The following IL7 variants were observed in gnomAD, a reference collection of about 807,000 sequenced individuals.
IL7 encodes the protein interleukin 7, also known as interleukin-7.
In IL7, 3 loss-of-function variants were observed where a neutral mutation model predicts 21.6. The ratio of observed to expected loss-of-function variants is 0.14; its 90% confidence interval spans 0.06 to 0.36. IL7 has a LOEUF of 0.36. Ranked by LOEUF, IL7 falls within the 10% of genes least tolerant of loss-of-function variation. The pLI, the probability that IL7 is intolerant of heterozygous loss-of-function variation, is 1.00. For synonymous variants in IL7, 62 were observed against 68.1 expected, an observed-to-expected ratio of 0.91 and a Z score of 0.44; for missense variants, 175 against 200.2, an observed-to-expected ratio of 0.87 and a Z score of 0.76.
chr8:78,791,943 A>C (rs575710138), intron 2 of IL7, among the ~76,000 whole-genome samples: 2 of 152,282 alleles, frequency 1.3e-5, no homozygotes, highest in African/African-American at 4.8e-5. Flanking sequence ...TCCCTAAAAA[A>C]AGGTAGTCAA....
chr8:78,771,758 C>T (rs911121894), intron 2 of IL7, among the ~76,000 whole-genome samples: 1 of 152,106 alleles, frequency 6.6e-6, no homozygotes, highest in African/African-American at 2.4e-5. Flanking sequence ...ACACATTCTT[C>T]AGCCTGGAGG....
downstream of IL7, among the ~76,000 whole-genome samples, chr8:78,715,777 C>T (rs915328137): frequency 6.6e-6 from 1 of 152,034 alleles, no homozygotes; most frequent in African/African-American, 2.4e-5. Context: ...TGGTGGCTCA[C>T]GCCTGTAATC....
intron 2 of IL7, among the ~76,000 whole-genome samples, chr8:78,792,513 T>C (rs1348406514): frequency 1.3e-5 from 2 of 152,012 alleles, no homozygotes; most frequent in Non-Finnish European, 2.9e-5. Flanking sequence ...GGAAAAAATA[T>C]AATATCTGAT....
At chr8:78,736,678 A>T (rs920689222) in intron 4 of IL7, 151 bp from the exon 5 acceptor site, 4 of 563,916 alleles carry the variant, frequency 7.1e-6, no homozygotes, top group Non-Finnish European at 3.2e-6. Context: ...TAAAATATTA[A>T]TATGATTTAG....
chr8:78,728,273 A>G (rs1005198651), downstream of IL7, among the ~76,000 whole-genome samples: 16 of 151,926 alleles, frequency 1.1e-4, no homozygotes, highest in Non-Finnish European at 7.4e-5. Context: ...GATTTGATAG[A>G]CTGATTCTAA....
intron 3 of IL7, among the ~76,000 whole-genome samples, chr8:78,710,740 A>G (rs1331922696): frequency 6.6e-6 from 1 of 152,078 alleles, no homozygotes; most frequent in African/African-American, 2.4e-5. Flanking sequence ...AACAAATTAA[A>G]AACAAATTTT....
intron 2 of IL7, among the ~76,000 whole-genome samples, chr8:78,758,122 C>T (rs1416427844): frequency 3.3e-5 from 5 of 152,008 alleles, no homozygotes; most frequent in Admixed American, 2.0e-4. Flanking sequence ...TTATTAGCAG[C>T]ATGAGGACAG....
chr8:78,717,191 T>A (rs968432658), downstream of IL7: 2 of 742,256 alleles, frequency 2.7e-6, no homozygotes, highest in South Asian at 2.9e-5. Flanking sequence ...AAGGATTTTT[T>A]AAAATTTGAA....
chr8:78,767,923 C>T (rs1812810946), intron 2 of IL7, among the ~76,000 whole-genome samples: 1 of 152,010 alleles, frequency 6.6e-6, no homozygotes, highest in Non-Finnish European at 1.5e-5. Flanking sequence ...CCTCCCCCTC[C>T]CCCCACCTCA....
chr8:78,758,720 T>G (rs1247850402), intron 2 of IL7, among the ~76,000 whole-genome samples: 1 of 152,164 alleles, frequency 6.6e-6, no homozygotes, highest in Non-Finnish European at 1.5e-5. Context: ...AGGCTGCTAG[T>G]CTGATGGGAT....
chr8:78,779,520 T>A (rs953507823), intron 2 of IL7, among the ~76,000 whole-genome samples: 2 of 152,224 alleles, frequency 1.3e-5, no homozygotes, highest in African/African-American at 4.8e-5. Flanking sequence ...TTTAGTTCAG[T>A]TTATGTGATG....
chr8:78,726,935 A>G (rs1300442721), intron 3 of IL7, among the ~76,000 whole-genome samples: 1 of 152,018 alleles, frequency 6.6e-6, no homozygotes, highest in Non-Finnish European at 1.5e-5. Context: ...TCAGTGTAAA[A>G]TAATCTCAAT....
rs191155948 is a variant in IL7 at position 78,794,058 on chromosome 8, C to T, written c.147+4014G>A. On this transcript the variant is annotated intron_variant, in intron 2 of 5. Transcript: ENST00000263851. Reference sequence around the variant, plus strand: ...GCTATTTCTACCATATCTGCATTTACTTTCTCTATTGAAGTCTTGAACCCC... The same window carrying T: ...GCTATTTCTACCATATCTGCATTTATTTTCTCTATTGAAGTCTTGAACCCC... Among the ~76,000 whole-genome samples, 381 of 152,242 alleles carry T rather than the reference C, an allele frequency of 2.5e-3. 2 individuals are homozygous for T. The highest frequency in any genetic ancestry group is 8.5e-3 in the African/African-American group (354 of 41,558).
At chr8:78,743,759 C>T (rs1811878593) in intron 2 of IL7, among the ~76,000 whole-genome samples, 1 of 152,126 alleles carries the variant, frequency 6.6e-6, no homozygotes, top group Non-Finnish European at 1.5e-5. Flanking sequence ...TTTCTGTGAG[C>T]TTATCTAATC....
rs190182311 is a variant in IL7 at position 78,751,272 on chromosome 8, T to C, written c.148-11190A>G. On this transcript the variant is annotated intron_variant, in intron 2 of 5. Transcript: ENST00000263851. ...GTGGAGAAAAGAAACAACTTACTTA[T>C]AGAAGAGCAAAGATAAGAATTACAT... is the stretch of plus-strand genomic sequence containing the variant. Among the ~76,000 whole-genome samples the C allele has an allele frequency of 1.6e-4, 25 of 152,186 alleles. No individual in the cohort carries two copies. The East Asian group carries it at 4.2e-3, about 26-fold the overall frequency.
intron 3 of IL7, among the ~76,000 whole-genome samples, chr8:78,701,891 T>C (rs1406329616): frequency 6.6e-6 from 1 of 151,910 alleles, no homozygotes; most frequent in Non-Finnish European, 1.5e-5. Context: ...TTTGATTTGC[T>C]AGTATTTTGT....
At chr8:78,722,649 A>G (rs1182973690) in intron 3 of IL7, among the ~76,000 whole-genome samples, 1 of 151,964 alleles carries the variant, frequency 6.6e-6, no homozygotes, top group Admixed American at 6.6e-5. Context: ...TTTAGAATAT[A>G]GTTATGTACA....
rs939303649 is a variant in IL7 at position 78,752,514 on chromosome 8, G to A, written c.148-12432C>T. On this transcript the variant is annotated intron_variant, in intron 2 of 5. Coordinates refer to ENST00000263851, the MANE Select transcript of IL7 (RefSeq NM_000880.4). ...GTATTGATTTGCATTTTTTTCCAGTGATTAGTGATCTTGAGCATTTTTTCT... is the reference window on the plus strand; with the variant it reads ...GTATTGATTTGCATTTTTTTCCAGTAATTAGTGATCTTGAGCATTTTTTCT... Among the ~76,000 whole-genome samples the A allele has an allele frequency of 3.9e-5, 6 of 152,182 alleles. No individual in the cohort carries two copies. In the South Asian group the frequency reaches 8.3e-4, roughly 21 times the overall value.
At chr8:78,728,721 A>G (rs1227220682), downstream of IL7, among the ~76,000 whole-genome samples, 1 of 151,922 alleles carries the variant, frequency 6.6e-6, no homozygotes, top group Non-Finnish European at 1.5e-5. Context: ...GACATTTTTG[A>G]CTGTCAGTAC....
Sources: allele counts gnomAD v4.1 joint callset (sites outside exome capture counted in the v4.1 genomes callset), GRCh38; gene constraint gnomAD v4.1.1; transcripts MANE v1.5; gene names NCBI Gene and HGNC (gene_info 2026-07-23, HGNC 2026-07-21).